ILRUN: variants seen among roughly 807,000 people sequenced by gnomAD.
The protein encoded by ILRUN is protein ILRUN.
A neutral mutation model predicts 33.8 loss-of-function variants in ILRUN; 3 were observed. The observed-to-expected ratio is 0.09, with a 90% CI of 0.04 to 0.23. The LOEUF is 0.23. ILRUN is among the 10% of genes least tolerant of loss of function. The pLI is 1.00. For synonymous variants in ILRUN, 124 were observed against 138.9 expected, an observed-to-expected ratio of 0.89 and a Z score of 0.75; for missense variants, 210 against 375.1, an observed-to-expected ratio of 0.56 and a Z score of 3.64.
At position 34,646,422 on chromosome 6, in the gene ILRUN, G is replaced by T. The variant is rs374137213; in HGVS notation, c.511+179C>A. 6.6e-6 allele frequency among the ~76,000 whole-genome samples: 1 copy of T among 152,086 alleles called. No homozygotes were observed. Among genetic ancestry groups the T allele is most frequent in the Non-Finnish European group, 1.5e-5 (1 of 68,012 alleles). On this transcript the variant is annotated intron_variant, in intron 3 of 4. Transcript: ENST00000374023. This position sits in a 1 kb window ranked among gnomAD's most constrained non-coding sequence, Gnocchi z 4.9. ...ACTAAATTATATTCCTAGGATAAAA[G>T]AAAGAGCACTAGACTAATCAATTAG... is the stretch of plus-strand genomic sequence containing the variant.
rs902217323 is a variant in ILRUN at position 34,696,377 on chromosome 6, A to G, written c.158+69T>C. The G allele has an allele frequency of 5.3e-5, 78 of 1,464,530 alleles. 1 individual carries two copies. In the Middle Eastern group the frequency reaches 1.1e-3, roughly 21 times the overall value. 90.7% of individuals were successfully genotyped at this position (1,464,530 alleles called of 1,614,324 possible). ...CTGGCTCGCCCTGCCGCCAAGCTCAAGTGTCCCTTCCCTTCCCCTCGGGGC... is the reference window on the plus strand; with the variant it reads ...CTGGCTCGCCCTGCCGCCAAGCTCAGGTGTCCCTTCCCTTCCCCTCGGGGC... On this transcript the variant is annotated intron_variant, in intron 1 of 4. Transcript: ENST00000374023.
At chr6:34,627,776 T>C (rs1268814107) in intron 3 of ILRUN, among the ~76,000 whole-genome samples, 2 of 150,628 alleles carry the variant, frequency 1.3e-5, no homozygotes, top group African/African-American at 4.9e-5. Context: ...TGATCTCGGC[T>C]CACCACAACC....
At chr6:34,676,556 G>A (rs778975929) in intron 1 of ILRUN, among the ~76,000 whole-genome samples, 6 of 151,478 alleles carry the variant, frequency 4.0e-5, no homozygotes, top group Admixed American at 1.3e-4. Context: ...AGGCTCCAGA[G>A]CAGTGGCACG....
intron 1 of ILRUN, chr6:34,671,934 T>G (rs867890271): frequency 4.6e-5 from 7 of 152,202 alleles, no homozygotes; most frequent in Non-Finnish European, 1.0e-4. Context: ...TAAACACATG[T>G]ACAAAAACAG....
intron 3 of ILRUN, among the ~76,000 whole-genome samples, chr6:34,627,762 G>A (rs1762167863): frequency 6.8e-6 from 1 of 147,282 alleles, no homozygotes; most frequent in Non-Finnish European, 1.5e-5. Flanking sequence ...GGAGTGCAAT[G>A]GCGTGATCTC....
chr6:34,592,262 G>A lies in ILRUN; in HGVS notation c.862-1662C>T, dbSNP rs962991753. 3.9e-5 allele frequency among the ~76,000 whole-genome samples: 6 copies of A among 152,230 alleles called. No homozygotes were observed. The highest frequency in any genetic ancestry group is 1.3e-4 in the Admixed American group (2 of 15,284). ...AGTAGCACCTAACATGTTCTCTTTA[G>A]CCCTCACAAAGATCCAAGGAGACAA... is the stretch of plus-strand genomic sequence containing the variant. On this transcript the variant is annotated intron_variant, in intron 4 of 4. Transcript: ENST00000374023. The surrounding 1 kb of genome is among the most constrained non-coding windows in gnomAD (Gnocchi z 4.0).
chr6:34,598,364 G>T (rs573617922), intron 4 of ILRUN, among the ~76,000 whole-genome samples: 1 of 152,296 alleles, frequency 6.6e-6, no homozygotes, highest in South Asian at 2.1e-4. Context: ...TACAATTAAA[G>T]CAGACTTAGC....
chr6:34,596,342 C>T (rs1761399902), intron 4 of ILRUN, among the ~76,000 whole-genome samples: 2 of 152,186 alleles, frequency 1.3e-5, no homozygotes. Context: ...ATTGCAACCT[C>T]CACCTCCTGG....
intron 3 of ILRUN, among the ~76,000 whole-genome samples, chr6:34,612,833 G>C (rs1002390000): frequency 6.6e-6 from 1 of 152,134 alleles, no homozygotes; most frequent in African/African-American, 2.4e-5. Context: ...ATGAGGTCAG[G>C]AGATCAAGAC....
intron 1 of ILRUN, among the ~76,000 whole-genome samples, chr6:34,659,957 T>C (rs1762854260): frequency 6.6e-6 from 1 of 151,880 alleles, no homozygotes; most frequent in African/African-American, 2.4e-5. Flanking sequence ...CATCTATATA[T>C]TTATATGAGG....
chr6:34,657,002 G>A (rs1336756440), intron 1 of ILRUN, among the ~76,000 whole-genome samples: 1 of 152,190 alleles, frequency 6.6e-6, no homozygotes, highest in Non-Finnish European at 1.5e-5. Flanking sequence ...AGTGAAGGAT[G>A]TTTGTGACTG....
intron 1 of ILRUN, among the ~76,000 whole-genome samples, chr6:34,688,040 C>A (rs1022268119): frequency 6.6e-6 from 1 of 151,608 alleles, no homozygotes; most frequent in East Asian, 1.9e-4. Context: ...TGTCTACCAA[C>A]GAATGAACAG....
chr6:34,609,500 G>C (rs1582040813), intron 3 of ILRUN, among the ~76,000 whole-genome samples: 2 of 151,014 alleles, frequency 1.3e-5, no homozygotes, highest in African/African-American at 4.9e-5. Flanking sequence ...AAAAAAAAAA[G>C]GTGGGGTGGA....
intron 2 of ILRUN, among the ~76,000 whole-genome samples, chr6:34,648,044 A>C (rs571282575): frequency 1.3e-4 from 20 of 152,314 alleles, no homozygotes; most frequent in Admixed American, 2.6e-4. Context: ...AATTCATGAG[A>C]TATCTATGTG....
intron 1 of ILRUN, among the ~76,000 whole-genome samples, chr6:34,687,835 G>C (rs540192030): frequency 1.3e-5 from 2 of 151,732 alleles, no homozygotes; most frequent in Admixed American, 1.3e-4. Context: ...CCGCGGTTGG[G>C]AATGTAAAAT....
chr6:34,623,532 T>G (rs1008314041), intron 3 of ILRUN, among the ~76,000 whole-genome samples: 2 of 152,112 alleles, frequency 1.3e-5, no homozygotes, highest in Admixed American at 1.3e-4. Flanking sequence ...AAAAAAAGCA[T>G]AATCTGAGTG....
chr6:34,610,752 C>A (rs1194312779), intron 3 of ILRUN, among the ~76,000 whole-genome samples: 3 of 152,174 alleles, frequency 2.0e-5, no homozygotes, highest in Non-Finnish European at 4.4e-5. Flanking sequence ...AAAATAAATT[C>A]TTTTGTAAGT....
chr6:34,661,861 C>T (rs1431561957), intron 1 of ILRUN, among the ~76,000 whole-genome samples: 1 of 152,100 alleles, frequency 6.6e-6, no homozygotes, highest in Non-Finnish European at 1.5e-5. Context: ...CGCGGTGGCT[C>T]ACGCCTGTAA....
intron 4 of ILRUN, among the ~76,000 whole-genome samples, chr6:34,605,906 C>T (rs571757320): frequency 7.2e-5 from 11 of 152,308 alleles, no homozygotes; most frequent in African/African-American, 2.6e-4. Flanking sequence ...CTCCCAGCAT[C>T]AGGGCTTTAT....
Sources: gnomAD v4.1 joint callset for allele counts (sites outside exome capture counted in the v4.1 genomes callset) on GRCh38, gnomAD v4.1.1 for gene constraint, Gnocchi (gnomAD v3.1) non-coding constraint, MANE v1.5 for transcripts, NCBI Gene and HGNC (gene_info 2026-07-23, HGNC 2026-07-21) for gene names.